Variants in GLE1 observed in about 807,000 individuals in gnomAD.
The protein encoded by GLE1 is GLE1 RNA export mediator, also known as mRNA export factor GLE1.
In GLE1, 78 loss-of-function variants were observed where a neutral mutation model predicts 97.3. The ratio of observed to expected loss-of-function variants is 0.80; its 90% CI spans 0.67 to 0.97. The LOEUF (loss-of-function observed/expected upper bound fraction) is 0.97. Among genes scored for constraint, GLE1 ranks in the 50% least tolerant of loss-of-function variants. The pLI is 0.00. For missense variants in GLE1, 753 were observed against 857.5 expected (o/e 0.88, Z 1.52); for synonymous variants, 302 against 313.4 (o/e 0.96, Z 0.39).
At chr9:128,512,975 C>T (rs1319607098) in intron 2 of GLE1, among the ~76,000 whole-genome samples, 2 of 152,042 alleles carry the variant, frequency 1.3e-5, no homozygotes, top group Non-Finnish European at 2.9e-5. Context: ...TATAAAATTC[C>T]GTAATTTTTG....
chr9:128,533,798 C>G lies in GLE1; in HGVS notation c.1493C>G (p.Ala498Gly), dbSNP rs1847604014. 6.2e-7 allele frequency: 1 copy of G among 1,614,136 alleles called. No homozygotes were observed. The highest frequency in any genetic ancestry group is 8.5e-7 in the Non-Finnish European group (1 of 1,179,978). The change falls in exon 11 of 16, where the codon GCA becomes GGA. Residue 498 changes from alanine to glycine, a missense_variant. By Grantham distance (60) the Ala-to-Gly change is moderately conservative. Transcript: ENST00000309971. ...GEEEVASHHE[A>G]AFPIAVVASG... Reference sequence around the variant, plus strand: ...GAGGAAGTGGCCTCTCACCATGAAGCAGCATTCCCCATTGCAGTTGTGGCA... The same window carrying G: ...GAGGAAGTGGCCTCTCACCATGAAGGAGCATTCCCCATTGCAGTTGTGGCA...
rs1228664406 is a variant in GLE1 at position 128,541,888 on chromosome 9, T to G, written c.*718T>G. The G allele has an allele frequency of 6.6e-6, 1 of 152,250 alleles. No homozygotes were observed. Among genetic ancestry groups the G allele is most frequent in the East Asian group, 1.9e-4 (1 of 5,202 alleles). The allele number at this position is 152,250 out of a possible 1,614,324, so 9.4% of individuals were successfully genotyped here. A position where few individuals can be genotyped will look rare whatever the true frequency, so the allele number is the denominator to read the frequency against. On this transcript the variant is annotated 3_prime_UTR_variant, in exon 16 of 16. Transcript: ENST00000309971. ...ACCAGGCAGGTACCTTTTTTGTTTTTGTTTTGTTTTGTTTCTTTTCTGTTT... is the reference window on the plus strand; with the variant it reads ...ACCAGGCAGGTACCTTTTTTGTTTTGGTTTTGTTTTGTTTCTTTTCTGTTT...
intron 1 of GLE1, 143 bp downstream of exon 1, chr9:128,505,047 CTCTGTCCTGGGGTT>C: frequency 4.4e-6 from 3 of 676,154 alleles, no homozygotes; most frequent in Non-Finnish European, 8.1e-6. Context: ...GTGTACATCC[CTCTGTCCTGGGGTT>C]TCTGTCCTCT....
chr9:128,511,064 C>T lies in GLE1; in HGVS notation c.321+1967C>T, dbSNP rs531919366. Among the ~76,000 whole-genome samples, 6 of 150,914 alleles carry T rather than the reference C, an allele frequency of 4.0e-5. No homozygotes were observed. The South Asian group carries it at 1.3e-3, about 31-fold the overall frequency. On this transcript the variant is annotated intron_variant, in intron 2 of 15. Transcript: ENST00000309971. ...TACTAAAAATACAAAATTAGCTGGG[C>T]GTCGTGGCGCACGCCTGTAATCCCA...
intron 1 of GLE1, among the ~76,000 whole-genome samples, chr9:128,508,050 C>A (rs996097273): frequency 6.6e-6 from 1 of 151,000 alleles, no homozygotes; most frequent in Non-Finnish European, 1.5e-5. Flanking sequence ...CATGGTGGTG[C>A]ATGCCTGTAA....
chr9:128,522,428 AG>A (rs34787152), intron 3 of GLE1, among the ~76,000 whole-genome samples: 1 of 152,128 alleles, frequency 6.6e-6, no homozygotes, highest in Non-Finnish European at 1.5e-5. Context: ...AGGCCAAGGC[AG>A]GCGGATCACA....
At chr9:128,505,118 C>G (rs1047443396) in intron 1 of GLE1, among the ~76,000 whole-genome samples, 1 of 152,184 alleles carries the variant, frequency 6.6e-6, no homozygotes. Flanking sequence ...TTCACAGGTG[C>G]CCCGCGCTCT....
intron 11 of GLE1, among the ~76,000 whole-genome samples, chr9:128,534,511 T>G (rs1037169517): frequency 2.6e-5 from 4 of 152,154 alleles, no homozygotes; most frequent in Non-Finnish European, 4.4e-5. Flanking sequence ...GCTTTGTCAT[T>G]TAATACCTTT....
chr9:128,534,692 T>G (rs1847639679), intron 11 of GLE1, among the ~76,000 whole-genome samples: 1 of 151,874 alleles, frequency 6.6e-6, no homozygotes, highest in Non-Finnish European at 1.5e-5. Flanking sequence ...TGTAATAATA[T>G]GTAATAATAT....
At chr9:128,534,863 C>T (rs1298792299) in intron 11 of GLE1, among the ~76,000 whole-genome samples, 2 of 151,744 alleles carry the variant, frequency 1.3e-5, no homozygotes, top group Admixed American at 6.6e-5. Flanking sequence ...GGACTACAGG[C>T]GCCCACCACC....
At chr9:128,512,344 C>T (rs960781318) in intron 2 of GLE1, among the ~76,000 whole-genome samples, 1 of 152,108 alleles carries the variant, frequency 6.6e-6, no homozygotes, top group Non-Finnish European at 1.5e-5. Context: ...GCCTTTAAAA[C>T]TGGTGAAATC....
chr9:128,510,149 C>CTGTCT (rs1319804985), intron 2 of GLE1, among the ~76,000 whole-genome samples: 2 of 152,066 alleles, frequency 1.3e-5, no homozygotes, highest in Non-Finnish European at 2.9e-5. Context: ...CCTCCACCTC[C>CTGTCT]CAGGCTCAAT....
At chr9:128,513,415 A>T (rs75253654) in intron 2 of GLE1, among the ~76,000 whole-genome samples, 149 of 152,212 alleles carry the variant, frequency 9.8e-4, no homozygotes, top group African/African-American at 3.5e-3. Flanking sequence ...AAGTTCAAAG[A>T]TATCCATGTC....
intron 2 of GLE1, among the ~76,000 whole-genome samples, chr9:128,514,811 A>C (rs1846932537): frequency 7.3e-6 from 1 of 137,704 alleles, no homozygotes; most frequent in African/African-American, 2.7e-5. Context: ...AGTGCTGGGG[A>C]AAAAGGTGCC....
chr9:128,538,798 C>T (rs1346488477), intron 13 of GLE1, among the ~76,000 whole-genome samples: 3 of 152,130 alleles, frequency 2.0e-5, no homozygotes, highest in Non-Finnish European at 4.4e-5. Context: ...TGGGCTCAAG[C>T]GATCCTCCCA....
chr9:128,520,130 A>G (rs1003228606), intron 3 of GLE1, among the ~76,000 whole-genome samples: 4 of 152,010 alleles, frequency 2.6e-5, no homozygotes, highest in Non-Finnish European at 5.9e-5. Context: ...CATGCCTGTA[A>G]ACCCAGCTAC....
In GLE1 at chr9:128,528,092, C is replaced by T. The variant is rs570985017; in HGVS notation, c.1312+567C>T. Among the ~76,000 whole-genome samples the T allele has an allele frequency of 1.7e-4, 25 of 149,250 alleles. No individual in the cohort carries two copies. In the South Asian group the frequency reaches 4.9e-3, roughly 29 times the overall value. Reference sequence around the variant, plus strand: ...TCGGCTCACCGCAAGCTCCGCCTACCGGCTTCACGCTGTTCTATTCTCCTC... The same window carrying T: ...TCGGCTCACCGCAAGCTCCGCCTACTGGCTTCACGCTGTTCTATTCTCCTC... On this transcript the variant is annotated intron_variant, in intron 9 of 15. Coordinates refer to ENST00000309971, the MANE Select transcript of GLE1 (RefSeq NM_001003722.2).
intron 2 of GLE1, among the ~76,000 whole-genome samples, chr9:128,512,806 C>G (rs200845057): frequency 6.6e-6 from 1 of 152,038 alleles, no homozygotes; most frequent in Non-Finnish European, 1.5e-5. Context: ...ATTACAGGCA[C>G]GCGCCACCAT....
intron 15 of GLE1, 69 bp from the exon 16 acceptor site, chr9:128,541,033 T>C: frequency 1.1e-6 from 1 of 907,846 alleles, no homozygotes; most frequent in South Asian, 1.3e-5. Flanking sequence ...AAAGCTTCTT[T>C]TAACCATTAA....
Sources: allele counts gnomAD v4.1 joint callset (sites outside exome capture counted in the v4.1 genomes callset), GRCh38; gene constraint gnomAD v4.1.1; transcripts MANE v1.5; gene names NCBI Gene and HGNC (gene_info 2026-07-23, HGNC 2026-07-21).